Variants in RENBP observed in about 807,000 individuals in gnomAD.
The protein encoded by RENBP is renin binding protein, also known as N-acylglucosamine 2-epimerase.
Under a neutral mutation model 37.8 loss-of-function variants are expected in RENBP, and 16 were observed. The observed-to-expected ratio is 0.42, with a 90% CI of 0.29 to 0.64. The LOEUF is 0.64. Ranked by LOEUF, RENBP falls within the 30% of genes least tolerant of loss-of-function variation. The pLI, the probability that RENBP is intolerant of heterozygous loss-of-function variation, is 0.19. For missense variants in RENBP, 347 were observed against 379.5 expected, an observed-to-expected ratio of 0.91 and a Z score of 0.71; for synonymous variants, 170 against 154.8, an observed-to-expected ratio of 1.10 and a Z score of -0.73.
intron 9 of RENBP, among the ~76,000 whole-genome samples, chrX:153,938,783 T>TG (rs2065213517): frequency 1.4e-5 from 1 of 69,915 alleles, no homozygotes; most frequent in East Asian, 7.1e-4. Context: ...ATCTGTACTG[T>TG]TTTTTTTTTT....
Position 153,942,958 on chromosome X carries a change from A to G in RENBP, c.584T>C (p.Leu195Pro). 1.7e-6 allele frequency: 2 copies of G among 1,210,970 alleles called. No individual in the cohort carries two copies. Among genetic ancestry groups the G allele is most frequent in the South Asian group, 3.5e-5 (2 of 57,022 alleles). Residue 195 changes from leucine (L) to proline (P), a missense_variant, in exon 6 of 11, where the codon CTA becomes CCA. Transcript: ENST00000393700. ...CCCGAGCTGCTCCACCAGGTTCAGTAGCATCATGGGCACCGCCATGGGCTC... is the reference window on the plus strand; with the variant it reads ...CCCGAGCTGCTCCACCAGGTTCAGTGGCATCATGGGCACCGCCATGGGCTC... Reference protein sequence around the residue: ...AAEPMAVPMMLLNLVEQLGEA... With the variant: ...AAEPMAVPMMPLNLVEQLGEA...
Position 153,944,367 on chromosome X carries a change from G to A in RENBP, c.79C>T (p.Gln27Ter). 8.3e-7 allele frequency: 1 copy of A among 1,211,383 alleles called. No individual in the cohort carries two copies. Among genetic ancestry groups the A allele is most frequent in the Non-Finnish European group, 1.1e-6 (1 of 895,222 alleles). ...AAAGCCACCACGCGGTCCAGCTCCT[G>A]CCCCACGCGCTCCTTCCAGGCCTGC... is the stretch of plus-strand genomic sequence containing the variant. The part of the protein sequence containing the change: ...TLQAWKERVG[Q>*]ELDRVVAFWM... The change falls in exon 2 of 11, where the codon CAG becomes TAG. Residue 27 changes from glutamine (Q) to a stop codon, truncating the protein, a stop_gained. Coordinates refer to ENST00000393700, the MANE Select transcript of RENBP (RefSeq NM_002910.6). LOFTEE classifies it high-confidence loss of function.
chrX:153,943,588 G>A lies in RENBP; in HGVS notation c.420C>T (p.Ala140=). Residue 140 remains alanine, a synonymous_variant, in exon 5 of 11, where the codon GCC becomes GCT. Coordinates refer to ENST00000393700, the MANE Select transcript of RENBP (RefSeq NM_002910.6). ...CTGTGGCTCTCCACAGCTCGTTCAT[G>A]GCCATGGTGTAGAAACACTCACTGA... The part of the protein sequence containing the change: ...TIFSECFYTM[A]MNELWRATGE... The A allele has an allele frequency of 4.1e-6, 5 of 1,211,533 alleles. No individual in the cohort carries two copies. The highest frequency in any genetic ancestry group is 1.8e-5 in the South Asian group (1 of 57,033).
At chrX:153,942,398 A>T (rs782241947) in intron 6 of RENBP, 1 of 183,539 alleles carries the variant, frequency 5.4e-6, no homozygotes, top group African/African-American at 3.1e-5. Context: ...CACCATGCCC[A>T]GCTAATTTTT....
intron 9 of RENBP, among the ~76,000 whole-genome samples, chrX:153,938,390 C>T (rs1329785965): frequency 3.6e-5 from 4 of 112,408 alleles, no homozygotes; most frequent in Non-Finnish European, 7.5e-5. Flanking sequence ...TGTGATTCTC[C>T]GCCCCCGGTT....
chrX:153,944,382 TC>T lies in RENBP; in HGVS notation c.63del (p.Trp21Ter). The T allele has an allele frequency of 8.3e-7, 1 of 1,211,131 alleles. No homozygotes were observed. Among genetic ancestry groups the T allele is most frequent in the Non-Finnish European group, 1.1e-6 (1 of 895,156 alleles). On this transcript the variant is annotated frameshift_variant, in exon 2 of 11. Transcript: ENST00000393700. LOFTEE classifies it high-confidence loss of function. The part of the protein sequence containing the change: ...MEKERETLQA[W>X]KERVGQELDR... The stretch of plus-strand genomic sequence containing the variant: ...TCCAGCTCCTGCCCCACGCGCTCCT[TC>T]CAGGCCTGCAGAGTCTCTCGCTCTT...
At chrX:153,941,686 G>T in intron 7 of RENBP, 33 bp from the exon 8 acceptor site, 1 of 229,570 alleles carries the variant, frequency 4.4e-6, no homozygotes, top group Non-Finnish European at 8.1e-6. Flanking sequence ...AGGGCGGGGG[G>T]CGGGGGGTGG....
At chrX:153,941,866 A>G in intron 7 of RENBP, 84 bp downstream of exon 7, 1 of 908,114 alleles carries the variant, frequency 1.1e-6, no homozygotes, top group Non-Finnish European at 1.6e-6. Context: ...CGCCCCCGCC[A>G]GGCACTCCCA....
intron 8 of RENBP, 125 bp downstream of exon 8, chrX:153,941,353 G>A: frequency 1.5e-6 from 1 of 666,680 alleles, no homozygotes; most frequent in Non-Finnish European, 2.3e-6. Flanking sequence ...CACTGGCACA[G>A]AAGCTGAGAG....
In RENBP at chrX:153,944,320, G is replaced by T. The variant is rs782523400; in HGVS notation, c.126C>A (p.Asp42Glu). ...AGCACGCCGAGTACCCGTGCTCCTG[G>T]TCGTGGGAGTGCTCCATCCAGAAAG... is the stretch of plus-strand genomic sequence containing the variant. ...VVAFWMEHSH[D>E]QEHGGFFTCL... The change falls in exon 2 of 11, where the codon GAC becomes GAA. Residue 42 changes from aspartate to glutamate, a missense_variant. Asp to Glu is a conservative substitution (Grantham distance 45, BLOSUM62 2). This residue lies in a region of RENBP where 244 missense variants were observed against 279.4 expected (regional missense o/e 0.87). Coordinates refer to ENST00000393700, the MANE Select transcript of RENBP (RefSeq NM_002910.6). The T allele has an allele frequency of 6.6e-6, 8 of 1,210,270 alleles. No individual in the cohort carries two copies. The highest frequency in any genetic ancestry group is 8.9e-6 in the Non-Finnish European group (8 of 894,211).
Position 153,941,935 on chromosome X carries a change from C to T in RENBP, c.769+15G>A. The T allele has an allele frequency of 4.7e-6, 4 of 849,863 alleles. No homozygotes were observed. The highest frequency in any genetic ancestry group is 7.0e-6 in the Non-Finnish European group (4 of 568,011). 70.0% of individuals were successfully genotyped at this position (849,863 alleles called of 1,213,427 possible). ...CCCTCCTCCTGGGTGGCCCCCAGCCCACCCCGCCCCTCACCTGGGTTCTGC... is the reference window on the plus strand; with the variant it reads ...CCCTCCTCCTGGGTGGCCCCCAGCCTACCCCGCCCCTCACCTGGGTTCTGC... On this transcript the variant is annotated intron_variant, in intron 7 of 10. Coordinates refer to ENST00000393700, the MANE Select transcript of RENBP (RefSeq NM_002910.6).
intron 8 of RENBP, among the ~76,000 whole-genome samples, chrX:153,941,139 CAAAAAA>C (rs56158998): frequency 2.3e-4 from 6 of 25,931 alleles, no homozygotes; most frequent in Non-Finnish European, 2.3e-4. Context: ...AACTCCACCT[CAAAAAA>C]AAAAAAAAAA....
chrX:153,941,905 C>T (rs782137200), intron 7 of RENBP, 45 bp downstream of exon 7: 26 of 1,066,078 alleles, frequency 2.4e-5, no homozygotes, highest in Non-Finnish European at 2.9e-5. Context: ...CAAGGCTCAG[C>T]GCTCCCCTCC....
Position 153,943,936 on chromosome X carries a change from T to C in RENBP, c.248A>G (p.Glu83Gly). ...CAGAAGCTGAGCATGGCGGAAGCGC[T>C]CGAAAGTGCGGTACAGGCGACAATA... ...WMYCRLYRTFERFRHAQLLDA... is the reference protein window; with the variant it reads ...WMYCRLYRTFGRFRHAQLLDA... Residue 83 changes from glutamate to glycine, a missense_variant, in exon 4 of 11, where the codon GAG becomes GGG. Glu to Gly is a moderately conservative substitution (Grantham distance 98). Around this residue, in one of 3 missense-constraint regions of RENBP, gnomAD observed 244 missense variants for 279.4 expected, o/e 0.87. Coordinates refer to ENST00000393700, the MANE Select transcript of RENBP (RefSeq NM_002910.6). 1.7e-6 allele frequency: 2 copies of C among 1,189,103 alleles called. No homozygotes were observed. Among genetic ancestry groups the C allele is most frequent in the Non-Finnish European group, 2.3e-6 (2 of 883,816 alleles).
intron 9 of RENBP, among the ~76,000 whole-genome samples, chrX:153,937,715 C>T (rs1433708881): frequency 9.0e-6 from 1 of 110,693 alleles, no homozygotes; most frequent in African/African-American, 3.3e-5. Flanking sequence ...GCCTCAGTCT[C>T]CCCAGTAGTT....
intron 6 of RENBP, 98 bp downstream of exon 6, chrX:153,942,756 CG>C (rs2065232758): frequency 2.4e-5 from 17 of 719,559 alleles, no homozygotes; most frequent in Non-Finnish European, 3.5e-5. Context: ...GGGACATCCC[CG>C]AATCTCTGTC....
chrX:153,942,183 G>A (rs1338022833), intron 6 of RENBP, 152 bp from the exon 7 acceptor site: 3 of 417,364 alleles, frequency 7.2e-6, no homozygotes, highest in African/African-American at 5.2e-5. Context: ...GCTCAGAGGG[G>A]CATTTAAGGA....
At chrX:153,942,802 G>C in intron 6 of RENBP, 53 bp downstream of exon 6, 1 of 1,014,580 alleles carries the variant, frequency 9.9e-7, no homozygotes, top group Non-Finnish European at 1.4e-6. Context: ...GTGCCCAGGG[G>C]AGTGGGGGAG....
At position 153,941,648 on chromosome X, in the gene RENBP, T is replaced by C; in HGVS notation, c.775A>G (p.Thr259Ala). The C allele has an allele frequency of 1.0e-6, 1 of 1,003,066 alleles. No homozygotes were observed. The highest frequency in any genetic ancestry group is 2.9e-4 in the Middle Eastern group (1 of 3,390). The allele number at this position is 1,003,066 out of a possible 1,213,427, so 82.7% of individuals were successfully genotyped here. A position where few individuals can be genotyped will look rare whatever the true frequency, so the allele number is the denominator to read the frequency against. Residue 259 changes from threonine to alanine, a missense_variant, in exon 8 of 11, where the codon ACG becomes GCG. Coordinates refer to ENST00000393700, the MANE Select transcript of RENBP (RefSeq NM_002910.6). The stretch of plus-strand genomic sequence containing the variant: ...AGCAGAAACCAGCCGGCTTCCAGCG[T>C]GTGGCCTGGTGAGGGGTGGAGTACG... ...CLGRQQNPGH[T>A]LEAGWFLLRH... is the part of the protein sequence containing the mutation.
Sources: gnomAD v4.1 joint callset for allele counts (sites outside exome capture counted in the v4.1 genomes callset) on GRCh38, gnomAD v4.1.1 for gene constraint, gnomAD v4.1.1 regional missense constraint, MANE v1.5 for transcripts, NCBI Gene and HGNC (gene_info 2026-07-23, HGNC 2026-07-21) for gene names.